The following BMPER variants were observed in gnomAD, a reference collection of about 807,000 sequenced individuals.
BMPER encodes the protein BMP binding endothelial regulator, also known as BMP-binding endothelial regulator protein.
BMPER carries 45 observed loss-of-function variants against 87.3 expected under a neutral mutation model. That is an observed-to-expected ratio of 0.52 (90% CI 0.41 to 0.66). The LOEUF is 0.66. Among genes scored for constraint, BMPER ranks in the 30% least tolerant of loss-of-function variants. The pLI, the probability that BMPER is intolerant of heterozygous loss-of-function variation, is 0.00. For missense variants in BMPER, 784 were observed against 867.5 expected, an observed-to-expected ratio of 0.90 and a Z score of 1.21; for synonymous variants, 326 against 316.2, an observed-to-expected ratio of 1.03 and a Z score of -0.33.
At chr7:34,009,455 A>C (rs1201119196) in intron 6 of BMPER, among the ~76,000 whole-genome samples, 1 of 151,906 alleles carries the variant, frequency 6.6e-6, no homozygotes, top group Non-Finnish European at 1.5e-5. Flanking sequence ...TCTAGTAAGG[A>C]CCACCTTGGC....
intron 2 of BMPER, 138 bp downstream of exon 2, chr7:33,907,041 G>A: frequency 1.2e-6 from 1 of 825,180 alleles, no homozygotes; most frequent in Non-Finnish European, 2.0e-6. Flanking sequence ...TAGTTTGTGA[G>A]TTGAATCCAG....
intron 6 of BMPER, among the ~76,000 whole-genome samples, chr7:33,991,677 C>A (rs1384923579): frequency 2.6e-5 from 4 of 151,488 alleles, no homozygotes; most frequent in African/African-American, 9.7e-5. Flanking sequence ...TGTGTTTGCT[C>A]TTGCTTTTCT....
At chr7:33,962,775 T>C (rs1785302713) in intron 3 of BMPER, among the ~76,000 whole-genome samples, 1 of 152,234 alleles carries the variant, frequency 6.6e-6, no homozygotes, top group African/African-American at 2.4e-5. Context: ...CTAATGAATG[T>C]TTATAAATCC....
At position 33,993,974 on chromosome 7, in the gene BMPER, C is replaced by T. The variant is rs536252917; in HGVS notation, c.576+19190C>T. Reference sequence around the variant, plus strand: ...GACCCACTTGAGGAGGCAGTCTGCCCGTTCTCAGATCTCCAGCTGCTTACT... The same window carrying T: ...GACCCACTTGAGGAGGCAGTCTGCCTGTTCTCAGATCTCCAGCTGCTTACT... On this transcript the variant is annotated intron_variant, in intron 6 of 14. Coordinates refer to ENST00000649409, the MANE Select transcript of BMPER (RefSeq NM_001365308.1). Among the ~76,000 whole-genome samples, 452 of 152,264 alleles carry T rather than the reference C, an allele frequency of 3.0e-3. 3 individuals are homozygous for T. The highest frequency in any genetic ancestry group is 0.01 in the African/African-American group (418 of 41,546).
rs1446546733 is a variant in BMPER, at chr7:34,154,258, A to G, written c.*985A>G. ...CCAACACTATTTGGCGACTGTTAATATGTTATAATTATTAGACAGTGGAAA... is the reference window on the plus strand; with the variant it reads ...CCAACACTATTTGGCGACTGTTAATGTGTTATAATTATTAGACAGTGGAAA... On this transcript the variant is annotated 3_prime_UTR_variant, in exon 15 of 15. Coordinates refer to ENST00000649409, the MANE Select transcript of BMPER (RefSeq NM_001365308.1). 1.3e-5 allele frequency: 2 copies of G among 152,424 alleles called. No individual in the cohort carries two copies. The highest frequency in any genetic ancestry group is 2.9e-5 in the Non-Finnish European group (2 of 68,042). The allele number at this position is 152,424 out of a possible 1,614,324, so 9.4% of individuals were successfully genotyped here.
At chr7:34,004,724 G>A (rs1382784417) in intron 6 of BMPER, among the ~76,000 whole-genome samples, 8 of 152,100 alleles carry the variant, frequency 5.3e-5, no homozygotes, top group African/African-American at 1.9e-4. Flanking sequence ...TAAATGTCTT[G>A]AACCAGTACG....
intron 6 of BMPER, among the ~76,000 whole-genome samples, chr7:33,981,910 C>T (rs1785874698): frequency 6.6e-6 from 1 of 152,176 alleles, no homozygotes; most frequent in African/African-American, 2.4e-5. Flanking sequence ...CCTCAGAGAT[C>T]CCCACAAGTT....
At chr7:34,132,733 G>A (rs1790626352) in intron 13 of BMPER, among the ~76,000 whole-genome samples, 1 of 152,092 alleles carries the variant, frequency 6.6e-6, no homozygotes, top group Non-Finnish European at 1.5e-5. Flanking sequence ...TGAGCCCTGG[G>A]CAAGTTCATA....
chr7:34,105,330 C>T (rs1378000966), intron 13 of BMPER, among the ~76,000 whole-genome samples: 3 of 152,212 alleles, frequency 2.0e-5, no homozygotes, highest in Non-Finnish European at 2.9e-5. Flanking sequence ...TGGAATCATA[C>T]ATGCCTTCAT....
At chr7:33,991,055 A>G (rs985637273) in intron 6 of BMPER, among the ~76,000 whole-genome samples, 9 of 146,478 alleles carry the variant, frequency 6.1e-5, no homozygotes, top group African/African-American at 2.3e-4. Flanking sequence ...AATGCTCATC[A>G]AGGATATTGG....
At chr7:33,931,483 T>C (rs1233224851) in intron 2 of BMPER, among the ~76,000 whole-genome samples, 1 of 152,228 alleles carries the variant, frequency 6.6e-6, no homozygotes, top group Non-Finnish European at 1.5e-5. Context: ...AAAGCTGCTA[T>C]GTAAACCTGA....
At chr7:33,908,561 A>G (rs1783878308) in intron 2 of BMPER, among the ~76,000 whole-genome samples, 1 of 152,212 alleles carries the variant, frequency 6.6e-6, no homozygotes, top group Non-Finnish European at 1.5e-5. Context: ...GGTAAAGATT[A>G]CATCTGAAAA....
At chr7:34,139,040 T>C (rs1790796823) in intron 13 of BMPER, among the ~76,000 whole-genome samples, 2 of 152,212 alleles carry the variant, frequency 1.3e-5, no homozygotes, top group African/African-American at 4.8e-5. Context: ...TAACTTAGAT[T>C]TTCCTCACAC....
At chr7:34,101,913 G>A (rs544678702) in intron 13 of BMPER, among the ~76,000 whole-genome samples, 42 of 152,274 alleles carry the variant, frequency 2.8e-4, no homozygotes, top group African/African-American at 8.7e-4. Context: ...TTTTGATGGC[G>A]TCCCTTGTTT....
intron 13 of BMPER, among the ~76,000 whole-genome samples, chr7:34,129,227 G>T (rs1192312155): frequency 2.6e-5 from 4 of 152,122 alleles, no homozygotes; most frequent in Admixed American, 2.0e-4. Flanking sequence ...TTAGGGACGG[G>T]TGTGGTGGCT....
At chr7:34,118,103 C>T (rs1790163636) in intron 13 of BMPER, among the ~76,000 whole-genome samples, 1 of 152,040 alleles carries the variant, frequency 6.6e-6, no homozygotes, top group Non-Finnish European at 1.5e-5. Context: ...ATTGCAAGGT[C>T]AGGAGTTCGA....
At chr7:34,006,963 C>G (rs534383427) in intron 6 of BMPER, among the ~76,000 whole-genome samples, 1 of 152,096 alleles carries the variant, frequency 6.6e-6, no homozygotes, top group East Asian at 1.9e-4. Flanking sequence ...CAAAGTGGAT[C>G]AGCCCCTCTC....
intron 6 of BMPER, among the ~76,000 whole-genome samples, chr7:33,999,395 T>C (rs2127933883): frequency 6.6e-6 from 1 of 152,336 alleles, no homozygotes; most frequent in South Asian, 2.1e-4. Context: ...CCCATAAAAA[T>C]AATCAGATAT....
chr7:33,985,318 T>C (rs1785975911), intron 6 of BMPER, among the ~76,000 whole-genome samples: 1 of 152,208 alleles, frequency 6.6e-6, no homozygotes, highest in South Asian at 2.1e-4. Context: ...TAACATTATA[T>C]TGTGAATATG....
Sources: allele counts gnomAD v4.1 joint callset (sites outside exome capture counted in the v4.1 genomes callset), GRCh38; gene constraint gnomAD v4.1.1; transcripts MANE v1.5; gene names NCBI Gene and HGNC (gene_info 2026-07-23, HGNC 2026-07-21).